MCPH1: variants seen among roughly 807,000 people sequenced by gnomAD.
The protein encoded by MCPH1 is microcephalin 1.
Under a neutral mutation model 84.5 loss-of-function variants are expected in MCPH1, and 104 were observed. The observed-to-expected ratio is 1.23, with a 90% CI of 1.05 to 1.45. The LOEUF (loss-of-function observed/expected upper bound fraction) is 1.45. Ranked by LOEUF, MCPH1 falls within the 40% of genes most tolerant of loss-of-function variation. The pLI, the probability that MCPH1 is intolerant of heterozygous loss-of-function variation, is 0.00. For missense variants in MCPH1, 1,498 were observed against 1,005.7 expected, an observed-to-expected ratio of 1.49 and a Z score of -6.62; for synonymous variants, 514 against 366.8, an observed-to-expected ratio of 1.40 and a Z score of -4.58.
intron 9 of MCPH1, among the ~76,000 whole-genome samples, chr8:6,461,541 T>G (rs1450907964): frequency 6.6e-6 from 1 of 151,554 alleles, no homozygotes; most frequent in African/African-American, 2.4e-5. Context: ...GGTTTTGCCA[T>G]GTTGGCCAGG....
intron 13 of MCPH1, among the ~76,000 whole-genome samples, chr8:6,630,069 G>A (rs1205172891): frequency 6.6e-6 from 1 of 152,190 alleles, no homozygotes; most frequent in East Asian, 1.9e-4. Flanking sequence ...TTTCTTAAAT[G>A]TTGGTGCTTG....
chr8:6,454,499 T>C (rs1321976196), intron 8 of MCPH1, among the ~76,000 whole-genome samples: 1 of 152,210 alleles, frequency 6.6e-6, no homozygotes, highest in African/African-American at 2.4e-5. Flanking sequence ...AGAGGCACCC[T>C]CTGAGGCAGT....
At chr8:6,629,091 G>C (rs1384578461) in intron 13 of MCPH1, among the ~76,000 whole-genome samples, 1 of 152,212 alleles carries the variant, frequency 6.6e-6, no homozygotes, top group East Asian at 1.9e-4. Flanking sequence ...TCTGGAGCTA[G>C]GGCCTTTAAA....
At chr8:6,432,828 C>G (rs1277104317) in intron 4 of MCPH1, among the ~76,000 whole-genome samples, 1 of 152,214 alleles carries the variant, frequency 6.6e-6, no homozygotes, top group Non-Finnish European at 1.5e-5. Flanking sequence ...TCTCTGGACT[C>G]CCTGTGACAT....
chr8:6,505,320 GTTA>G lies in MCPH1; in HGVS notation c.2214+5393_2214+5395del, dbSNP rs536725571. ...ATATATATGTATATAACATATATAT[GTTA>G]TATACATATAGAAAGAATATATATA... On this transcript the variant is annotated intron_variant, in intron 12 of 13. Transcript: ENST00000344683. 2.9e-3 allele frequency among the ~76,000 whole-genome samples: 139 copies of G among 48,550 alleles called. 5 individuals are homozygous for G. The highest frequency in any genetic ancestry group is 0.012 in the African/African-American group (98 of 8,502). The allele number at this position is 48,550 out of a possible 152,430, so 31.9% of individuals were successfully genotyped here. A position where few individuals can be genotyped will look rare whatever the true frequency, so the allele number is the denominator to read the frequency against.
chr8:6,583,850 T>C (rs1827767027), intron 12 of MCPH1, among the ~76,000 whole-genome samples: 3 of 124,014 alleles, frequency 2.4e-5, no homozygotes, highest in Admixed American at 8.3e-5. Flanking sequence ...TGTTCATTTC[T>C]TGTTTTGTTT....
At chr8:6,518,001 T>A (rs911737811) in intron 12 of MCPH1, among the ~76,000 whole-genome samples, 1 of 152,194 alleles carries the variant, frequency 6.6e-6, no homozygotes, top group African/African-American at 2.4e-5. Context: ...TCCTAATGTT[T>A]CCAACCATGA....
chr8:6,621,344 C>T, intron 12 of MCPH1, 110 bp from the exon 13 acceptor site: 12 of 1,335,426 alleles, frequency 9.0e-6, no homozygotes, highest in Admixed American at 1.7e-5. Flanking sequence ...GGCAGCCTTA[C>T]ATTCAGTCTA....
chr8:6,616,413 T>G (rs1444629226), intron 12 of MCPH1: 1 of 152,256 alleles, frequency 6.6e-6, no homozygotes, highest in East Asian at 1.9e-4. Flanking sequence ...AATTCTGTTC[T>G]GCTTAGCTTT....
chr8:6,513,701 G>C, intron 12 of MCPH1: 1 of 1,611,882 alleles, frequency 6.2e-7, no homozygotes, highest in Non-Finnish European at 8.5e-7. Flanking sequence ...CTTCACTTGA[G>C]AGATAGAAAT....
At chr8:6,595,149 A>G (rs538773994) in intron 12 of MCPH1, among the ~76,000 whole-genome samples, 3 of 152,304 alleles carry the variant, frequency 2.0e-5, no homozygotes, top group Admixed American at 2.0e-4. Context: ...GATTGATTCA[A>G]AAGCATTCAC....
rs138447844 is a variant in MCPH1 at position 6,604,082 on chromosome 8, C to G, written c.2215-17372C>G. ...CCCTGGCCAGTAGGAAACAGGCACA[C>G]TCTGCTGGTGGCCTCTGGATGGGGA... On this transcript the variant is annotated intron_variant, in intron 12 of 13. Transcript: ENST00000344683. Among the ~76,000 whole-genome samples the G allele has an allele frequency of 3.7e-3, 566 of 151,904 alleles. 3 individuals carry two copies. The highest frequency in any genetic ancestry group is 0.013 in the African/African-American group (534 of 41,418).
chr8:6,411,820 G>C (rs1007999255), intron 2 of MCPH1, among the ~76,000 whole-genome samples: 11 of 152,172 alleles, frequency 7.2e-5, no homozygotes, highest in Non-Finnish European at 1.6e-4. Context: ...CACTGGGAGG[G>C]GTTGGGGGCG....
chr8:6,536,583 C>T (rs142042260), intron 12 of MCPH1, among the ~76,000 whole-genome samples: 1 of 152,112 alleles, frequency 6.6e-6, no homozygotes, highest in African/African-American at 2.4e-5. Context: ...AGCATCCTGA[C>T]AAAAGAATCT....
chr8:6,507,829 C>T (rs546946180), intron 12 of MCPH1: 1 of 139,508 alleles, frequency 7.2e-6, no homozygotes, highest in African/African-American at 2.4e-5. Context: ...GTGATCCGCC[C>T]TCCTTGGCCT....
In MCPH1 at chr8:6,505,344, A is replaced by ATGT. The variant is rs1563306343; in HGVS notation, c.2214+5416_2214+5417insGTT. 5.6e-4 allele frequency among the ~76,000 whole-genome samples: 39 copies of ATGT among 70,212 alleles called. 1 individual carries two copies. The highest frequency in any genetic ancestry group is 0.029 in the Middle Eastern group (2 of 68). The allele number at this position is 70,212 out of a possible 152,430, so 46.1% of individuals were successfully genotyped here. Reference sequence around the variant, plus strand: ...TGTTATATACATATAGAAAGAATATATATATTCTTTCTATATGTATATAGA... The same window carrying ATGT: ...TGTTATATACATATAGAAAGAATATATGTTATATTCTTTCTATATGTATATAGA... On this transcript the variant is annotated intron_variant, in intron 12 of 13. Coordinates refer to ENST00000344683, the MANE Select transcript of MCPH1 (RefSeq NM_024596.5).
intron 12 of MCPH1, among the ~76,000 whole-genome samples, chr8:6,532,765 C>A (rs1484800907): frequency 6.6e-6 from 1 of 152,142 alleles, no homozygotes; most frequent in African/African-American, 2.4e-5. Flanking sequence ...AAGTCCATGT[C>A]ATGGCAGGCC....
chr8:6,419,167 ACACACACACACACACACACACGC>A (rs1206173137), intron 3 of MCPH1, among the ~76,000 whole-genome samples: 7 of 36,442 alleles, frequency 1.9e-4, no homozygotes, highest in Non-Finnish European at 1.1e-3. Context: ...ACACACACAC[ACACACACACACACACACACACGC>A]ATTTTTACCC....
intron 3 of MCPH1, among the ~76,000 whole-genome samples, chr8:6,424,114 T>A (rs1800688046): frequency 6.6e-6 from 1 of 152,218 alleles, no homozygotes; most frequent in Non-Finnish European, 1.5e-5. Flanking sequence ...TTCTGTTGGG[T>A]TCCTTCTGGG....
Sources: gnomAD v4.1 joint callset for allele counts (sites outside exome capture counted in the v4.1 genomes callset) on GRCh38, gnomAD v4.1.1 for gene constraint, MANE v1.5 for transcripts, NCBI Gene and HGNC (gene_info 2026-07-23, HGNC 2026-07-21) for gene names.